Variants in CDKAL1 observed in about 807,000 individuals in gnomAD.
The protein encoded by CDKAL1 is threonylcarbamoyladenosine tRNA methylthiotransferase.
Under a neutral mutation model 68.2 loss-of-function variants are expected in CDKAL1, and 32 were observed. The observed-to-expected ratio is 0.47, with a 90% confidence interval of 0.35 to 0.63. The LOEUF (loss-of-function observed/expected upper bound fraction) is 0.63, where lower values mean the gene tolerates loss of function less well. Ranked by LOEUF, CDKAL1 falls within the 30% of genes least tolerant of loss-of-function variation. The pLI is 0.00. For missense variants in CDKAL1, 606 were observed against 696.7 expected (o/e 0.87, Z 1.47); for synonymous variants, 234 against 244.3 (o/e 0.96, Z 0.39).
At chr6:20,942,226 A>C (rs538436125) in intron 9 of CDKAL1, among the ~76,000 whole-genome samples, 1 of 152,172 alleles carries the variant, frequency 6.6e-6, no homozygotes, top group Non-Finnish European at 1.5e-5. Context: ...ATAATATTTT[A>C]CTACATCATT....
intron 9 of CDKAL1, among the ~76,000 whole-genome samples, chr6:20,914,221 C>T (rs947063716): frequency 2.0e-5 from 3 of 151,696 alleles, no homozygotes; most frequent in Admixed American, 6.6e-5. Flanking sequence ...ACCTGGGAGG[C>T]GCAGCTTGCA....
chr6:21,047,550 A>G (rs916103632), intron 11 of CDKAL1, among the ~76,000 whole-genome samples: 1 of 152,196 alleles, frequency 6.6e-6, no homozygotes, highest in Non-Finnish European at 1.5e-5. Flanking sequence ...AGTTCTCCCA[A>G]GCATTTCACC....
chr6:20,983,493 G>T (rs922078045), intron 10 of CDKAL1, among the ~76,000 whole-genome samples: 1 of 152,194 alleles, frequency 6.6e-6, no homozygotes, highest in African/African-American at 2.4e-5. Flanking sequence ...GGCCGAGGTG[G>T]GCAGATGACC....
At chr6:20,872,762 C>T (rs986001087) in intron 9 of CDKAL1, among the ~76,000 whole-genome samples, 1 of 151,888 alleles carries the variant, frequency 6.6e-6, no homozygotes, top group Non-Finnish European at 1.5e-5. Context: ...ACATTGGAGA[C>T]GAAAGATTAT....
intron 4 of CDKAL1, among the ~76,000 whole-genome samples, chr6:20,612,284 G>A (rs949990954): frequency 2.0e-5 from 3 of 151,800 alleles, no homozygotes; most frequent in African/African-American, 7.3e-5. Context: ...TGGGATTGCT[G>A]GATCATATGG....
intron 15 of CDKAL1, among the ~76,000 whole-genome samples, chr6:21,213,293 G>T (rs1213614815): frequency 6.6e-6 from 1 of 152,168 alleles, no homozygotes; most frequent in Non-Finnish European, 1.5e-5. Context: ...CTGACACGTA[G>T]AAGTGATCAG....
intron 11 of CDKAL1, 127 bp downstream of exon 11, chr6:21,000,499 A>C: frequency 1.3e-6 from 1 of 788,582 alleles, no homozygotes; most frequent in Non-Finnish European, 2.0e-6. Flanking sequence ...CGAAGCTTTC[A>C]AAGCCTTTAA....
intron 8 of CDKAL1, among the ~76,000 whole-genome samples, chr6:20,794,471 GA>G (rs1433071124): frequency 6.6e-6 from 1 of 151,966 alleles, no homozygotes; most frequent in Non-Finnish European, 1.5e-5. Flanking sequence ...TAAGAGATGG[GA>G]AAAAACCCTT....
In CDKAL1 at chr6:20,818,591, G is replaced by A. The variant is rs540439352; in HGVS notation, c.639-27484G>A. Among the ~76,000 whole-genome samples the A allele has an allele frequency of 2.6e-5, 4 of 151,970 alleles. No individual in the cohort carries two copies. The South Asian group carries it at 8.3e-4, about 32-fold the overall frequency. Reference sequence around the variant, plus strand: ...GAAAATAATGAAGTGTGGTTATATAGTTGCCCAGTTGGGACATAACCTTTA... The same window carrying A: ...GAAAATAATGAAGTGTGGTTATATAATTGCCCAGTTGGGACATAACCTTTA... On this transcript the variant is annotated intron_variant, in intron 8 of 15. Transcript: ENST00000274695.
chr6:21,157,235 T>C (rs1429566110), intron 13 of CDKAL1, among the ~76,000 whole-genome samples: 2 of 152,158 alleles, frequency 1.3e-5, no homozygotes, highest in Non-Finnish European at 2.9e-5. Context: ...GCAAGATACA[T>C]TTATGTAAAG....
intron 12 of CDKAL1, among the ~76,000 whole-genome samples, chr6:21,107,410 T>C (rs1773903556): frequency 6.6e-6 from 1 of 152,052 alleles, no homozygotes; most frequent in Non-Finnish European, 1.5e-5. Flanking sequence ...GTTCTCTTTC[T>C]TTTTTCTTTC....
chr6:21,007,362 A>G (rs1218482928), intron 11 of CDKAL1, among the ~76,000 whole-genome samples: 1 of 151,494 alleles, frequency 6.6e-6, no homozygotes, highest in Non-Finnish European at 1.5e-5. Flanking sequence ...GCACTCGCCT[A>G]TAGTCCCAAG....
intron 11 of CDKAL1, among the ~76,000 whole-genome samples, chr6:21,061,245 T>A (rs181233815): frequency 4.6e-5 from 7 of 152,230 alleles, no homozygotes; most frequent in Non-Finnish European, 7.4e-5. Context: ...CCTTTCTTAC[T>A]CCATTCCCAA....
In CDKAL1 at chr6:20,579,118, C is replaced by T. The variant is rs568796636; in HGVS notation, c.286+30413C>T. Reference sequence around the variant, plus strand: ...TCAGCCTTCCGAGTAGCTGGCATTACGGGCCTGCACCACCATGCTTGGCTA... The same window carrying T: ...TCAGCCTTCCGAGTAGCTGGCATTATGGGCCTGCACCACCATGCTTGGCTA... On this transcript the variant is annotated intron_variant, in intron 4 of 15. Transcript: ENST00000274695. Among the ~76,000 whole-genome samples the T allele has an allele frequency of 4.6e-5, 7 of 152,204 alleles. No homozygotes were observed. The East Asian group carries it at 5.8e-4, about 13-fold the overall frequency.
chr6:20,774,750 A>C (rs1775102051), intron 7 of CDKAL1, among the ~76,000 whole-genome samples: 1 of 152,180 alleles, frequency 6.6e-6, no homozygotes, highest in Non-Finnish European at 1.5e-5. Context: ...TTCTGGTTCA[A>C]ATTTTTACAA....
chr6:20,655,118 A>G (rs1164263593), intron 5 of CDKAL1, among the ~76,000 whole-genome samples: 2 of 152,188 alleles, frequency 1.3e-5, no homozygotes, highest in Non-Finnish European at 2.9e-5. Flanking sequence ...TAGATATTGA[A>G]TTATTCCAGT....
chr6:20,775,972 T>C (rs907197846), intron 7 of CDKAL1, among the ~76,000 whole-genome samples: 2 of 152,150 alleles, frequency 1.3e-5, no homozygotes, highest in Admixed American at 1.3e-4. Flanking sequence ...TTTCCTACTT[T>C]GTCTTTAGTG....
intron 5 of CDKAL1, 115 bp from the exon 6 acceptor site, chr6:20,739,404 G>T (rs577537222): frequency 2.5e-4 from 148 of 583,622 alleles, no homozygotes; most frequent in Non-Finnish European, 4.0e-4. Context: ...AGAAAATCTT[G>T]TTTCATGTGA....
In CDKAL1 at chr6:21,196,554, A is replaced by G. The variant is rs1328741309; in HGVS notation, c.1300-1467A>G. On this transcript the variant is annotated intron_variant, in intron 13 of 15. Transcript: ENST00000274695. ...AAGAGGGCTATATTTTGAATGAGATAGTAAACTAGATAGTAAATTATGGTG... is the reference window on the plus strand; with the variant it reads ...AAGAGGGCTATATTTTGAATGAGATGGTAAACTAGATAGTAAATTATGGTG... Among the ~76,000 whole-genome samples the G allele has an allele frequency of 3.3e-5, 5 of 152,234 alleles. No homozygotes were observed. The South Asian group carries it at 1.0e-3, about 31-fold the overall frequency.
Sources: allele counts gnomAD v4.1 joint callset (sites outside exome capture counted in the v4.1 genomes callset), GRCh38; gene constraint gnomAD v4.1.1; transcripts MANE v1.5; gene names NCBI Gene and HGNC (gene_info 2026-07-23, HGNC 2026-07-21).